The following TRAF3 variants were observed in gnomAD, a reference collection of about 807,000 sequenced individuals.
TRAF3 encodes TNF receptor-associated factor 3.
A neutral mutation model predicts 62.3 loss-of-function variants in TRAF3; 13 were observed. The observed-to-expected ratio is 0.21, with a 90% confidence interval of 0.14 to 0.33. The LOEUF (loss-of-function observed/expected upper bound fraction) is 0.33, where lower values mean the gene tolerates loss of function less well. TRAF3 is among the 10% of genes least tolerant of loss of function. The pLI, the probability that TRAF3 is intolerant of heterozygous loss-of-function variation, is 1.00. For synonymous variants in TRAF3, 269 were observed against 283.4 expected, an observed-to-expected ratio of 0.95 and a Z score of 0.51; for missense variants, 440 against 741.8, an observed-to-expected ratio of 0.59 and a Z score of 4.73.
intron 1 of TRAF3, among the ~76,000 whole-genome samples, chr14:102,779,891 G>C (rs1456869685): frequency 6.6e-6 from 1 of 152,190 alleles, no homozygotes; most frequent in African/African-American, 2.4e-5. Flanking sequence ...CCTTGCAATG[G>C]TCAGTTTAAA....
chr14:102,860,311 A>G (rs1887608034), intron 2 of TRAF3, among the ~76,000 whole-genome samples: 1 of 152,244 alleles, frequency 6.6e-6, no homozygotes, highest in Admixed American at 6.5e-5. Flanking sequence ...AGTGCAAAAC[A>G]GAACAGAGCC....
intron 2 of TRAF3, among the ~76,000 whole-genome samples, chr14:102,861,062 A>C (rs1298024788): frequency 6.6e-6 from 1 of 152,246 alleles, no homozygotes; most frequent in African/African-American, 2.4e-5. Flanking sequence ...GGGGAATGCA[A>C]GAAGCTCAGG....
At chr14:102,871,298 C>T (rs56207619) in intron 3 of TRAF3, among the ~76,000 whole-genome samples, 2,092 of 152,380 alleles carry the variant, frequency 0.014, 20 homozygotes, top group Non-Finnish European at 0.021. Context: ...GTCAGCTAAC[C>T]TTTGCCCACT....
chr14:102,840,263 C>T (rs1373855140), intron 2 of TRAF3, among the ~76,000 whole-genome samples: 1 of 152,160 alleles, frequency 6.6e-6, no homozygotes, highest in Non-Finnish European at 1.5e-5. Flanking sequence ...TGCTCTATTG[C>T]CCAGGCTGGA....
At chr14:102,823,933 C>T (rs539959309) in intron 1 of TRAF3, among the ~76,000 whole-genome samples, 15 of 152,296 alleles carry the variant, frequency 9.8e-5, no homozygotes, top group East Asian at 1.9e-4. Context: ...ATGTATGCAT[C>T]GGTTGTTCCT....
intron 2 of TRAF3, among the ~76,000 whole-genome samples, chr14:102,842,498 A>T (rs1455518214): frequency 2.0e-5 from 3 of 152,050 alleles, no homozygotes. Context: ...CCTGTGGGAC[A>T]AAGTCAGCTG....
At position 102,826,035 on chromosome 14, in the gene TRAF3, G is replaced by A. The variant is rs763095190; in HGVS notation, c.-156-4299G>A. Among the ~76,000 whole-genome samples the A allele has an allele frequency of 1.3e-5, 2 of 152,344 alleles. No individual in the cohort carries two copies. Among genetic ancestry groups the A allele is most frequent in the South Asian group, 4.1e-4 (2 of 4,834 alleles). On this transcript the variant is annotated intron_variant, in intron 1 of 11. Coordinates refer to ENST00000392745, the MANE Select transcript of TRAF3 (RefSeq NM_145725.3). This position sits in a 1 kb window ranked among gnomAD's most constrained non-coding sequence, Gnocchi z 4.6. The stretch of plus-strand genomic sequence containing the variant: ...ATATCTCACAGTAAGAGGGAAGGAT[G>A]GGGGAGGAAGACTGCTGTATTTCCT...
intron 2 of TRAF3, among the ~76,000 whole-genome samples, chr14:102,840,613 A>G (rs1029016227): frequency 6.6e-6 from 1 of 152,128 alleles, no homozygotes; most frequent in Non-Finnish European, 1.5e-5. Flanking sequence ...GCAAGACACC[A>G]TTATCGATAT....
chr14:102,788,452 A>G (rs1897613763), intron 1 of TRAF3, among the ~76,000 whole-genome samples: 1 of 152,010 alleles, frequency 6.6e-6, no homozygotes, highest in Non-Finnish European at 1.5e-5. Context: ...ACTTGAGTCC[A>G]GTAGTTTGAG....
At chr14:102,867,492 G>C (rs1018505477) in intron 2 of TRAF3, among the ~76,000 whole-genome samples, 4 of 152,140 alleles carry the variant, frequency 2.6e-5, no homozygotes, top group African/African-American at 7.2e-5. Flanking sequence ...AGAGCGGTAT[G>C]GGGGAGTTGA....
rs1276046839 is a variant in TRAF3, at chr14:102,907,297, G to A, written c.*1513G>A. On this transcript the variant is annotated 3_prime_UTR_variant, in exon 12 of 12. Coordinates refer to ENST00000392745, the MANE Select transcript of TRAF3 (RefSeq NM_145725.3). ...CGGGGGCCTGCCCAGGCTGACCAAC[G>A]GGCGCTCCTGACCACCACCCTGGCG... The A allele has an allele frequency of 2.0e-5, 3 of 152,334 alleles. No homozygotes were observed. Among genetic ancestry groups the A allele is most frequent in the Non-Finnish European group, 4.4e-5 (3 of 68,056 alleles). 9.4% of individuals were successfully genotyped at this position (152,334 alleles called of 1,614,324 possible). A position where few individuals can be genotyped will look rare whatever the true frequency, so the allele number is the denominator to read the frequency against.
At chr14:102,867,380 G>A (rs1311604467) in intron 2 of TRAF3, among the ~76,000 whole-genome samples, 1 of 152,158 alleles carries the variant, frequency 6.6e-6, no homozygotes, top group African/African-American at 2.4e-5. Context: ...TTGATTTGCA[G>A]GCTGTAGTTT....
intron 1 of TRAF3, among the ~76,000 whole-genome samples, chr14:102,795,376 A>G (rs1898014079): frequency 6.6e-6 from 1 of 152,176 alleles, no homozygotes. Flanking sequence ...GTGTTCCATG[A>G]GTGCCCCTTG....
intron 9 of TRAF3, chr14:102,895,214 G>A: frequency 2.3e-6 from 1 of 427,468 alleles, no homozygotes; most frequent in Non-Finnish European, 4.8e-6. Context: ...ATCACTTGTA[G>A]GAGTTCATGG....
In TRAF3 at chr14:102,863,523, C is replaced by G. The variant is rs574726186; in HGVS notation, c.-17-6662C>G. On this transcript the variant is annotated intron_variant, in intron 2 of 11. Coordinates refer to ENST00000392745, the MANE Select transcript of TRAF3 (RefSeq NM_145725.3). ...GACGGTGATCCCTGAGCATTCGCTG[C>G]CTGCTTGCACAGATCCTGAAGGTCA... Among the ~76,000 whole-genome samples, 12 of 152,310 alleles carry G rather than the reference C, an allele frequency of 7.9e-5. No individual in the cohort carries two copies. In the East Asian group the frequency reaches 2.3e-3, roughly 29 times the overall value.
At chr14:102,872,087 G>T in intron 4 of TRAF3, 119 bp downstream of exon 4, 2 of 1,052,312 alleles carry the variant, frequency 1.9e-6, no homozygotes, top group South Asian at 1.3e-5. Context: ...CAGCTGATGC[G>T]GCAGGCTCCC....
intron 1 of TRAF3, among the ~76,000 whole-genome samples, chr14:102,809,732 A>C (rs1461861771): frequency 6.8e-6 from 1 of 147,384 alleles, no homozygotes; most frequent in Non-Finnish European, 1.5e-5. Flanking sequence ...GGGTTTCACC[A>C]TGTTAGCCAG....
chr14:102,827,197 G>C (rs1241835100), intron 1 of TRAF3, among the ~76,000 whole-genome samples: 2 of 152,142 alleles, frequency 1.3e-5, no homozygotes, highest in Non-Finnish European at 2.9e-5. Flanking sequence ...AGGTGCACTC[G>C]GGCCCGGGTT....
At chr14:102,840,654 G>T (rs961497324) in intron 2 of TRAF3, among the ~76,000 whole-genome samples, 1 of 152,206 alleles carries the variant, frequency 6.6e-6, no homozygotes, top group Non-Finnish European at 1.5e-5. Context: ...TTTGTACCTC[G>T]TGGATTTTTT....
Sources: allele counts gnomAD v4.1 joint callset (sites outside exome capture counted in the v4.1 genomes callset), GRCh38; gene constraint gnomAD v4.1.1; non-coding constraint Gnocchi (gnomAD v3.1); transcripts MANE v1.5; gene names NCBI Gene and HGNC (gene_info 2026-07-23, HGNC 2026-07-21).